Variants in GALNT10 observed in about 807,000 individuals in gnomAD.
GALNT10 encodes polypeptide N-acetylgalactosaminyltransferase 10.
In GALNT10, 41 loss-of-function variants were observed where a neutral mutation model predicts 75.0. That is an observed-to-expected ratio of 0.55 (90% confidence interval 0.43 to 0.71). The LOEUF is 0.71. Among genes scored for constraint, GALNT10 ranks in the 30% least tolerant of loss-of-function variants. The pLI, the probability that GALNT10 is intolerant of heterozygous loss-of-function variation, is 0.00. For missense variants in GALNT10, 727 were observed against 818.5 expected, an observed-to-expected ratio of 0.89 and a Z score of 1.36; for synonymous variants, 302 against 313.0, an observed-to-expected ratio of 0.96 and a Z score of 0.37.
chr5:154,261,201 C>T (rs1418974029), intron 1 of GALNT10, among the ~76,000 whole-genome samples: 1 of 152,092 alleles, frequency 6.6e-6, no homozygotes, highest in Non-Finnish European at 1.5e-5. Flanking sequence ...CATGCCTTGT[C>T]TTTGCTTTTG....
At chr5:154,223,495 T>C (rs1439093359) in intron 1 of GALNT10, among the ~76,000 whole-genome samples, 2 of 152,220 alleles carry the variant, frequency 1.3e-5, no homozygotes, top group African/African-American at 4.8e-5. Context: ...AAACAGAGCA[T>C]TGTAGAGCAA....
chr5:154,364,034 A>G (rs1383286182), intron 4 of GALNT10, among the ~76,000 whole-genome samples: 1 of 152,232 alleles, frequency 6.6e-6, no homozygotes, highest in Non-Finnish European at 1.5e-5. Context: ...TGCCAAGCAG[A>G]TCGACACAAG....
chr5:154,318,101 C>T lies in GALNT10; in HGVS notation c.402-11471C>T, dbSNP rs115421056. Among the ~76,000 whole-genome samples the T allele has an allele frequency of 5.1e-3, 773 of 152,366 alleles. 7 individuals carry two copies. Among genetic ancestry groups the T allele is most frequent in the African/African-American group, 0.018 (754 of 41,578 alleles). On this transcript the variant is annotated intron_variant, in intron 3 of 11. Transcript: ENST00000297107. ...GGTGACATGCTATGACTGGCTAAGC[C>T]AGGCTCCTTTGGCCACCCTCAAGGC... is the stretch of plus-strand genomic sequence containing the variant.
At chr5:154,356,252 C>T (rs1023320838) in intron 4 of GALNT10, 1 of 454,178 alleles carries the variant, frequency 2.2e-6, no homozygotes. Context: ...GAGACTTCTG[C>T]ACCCGTTGCT....
chr5:154,332,323 G>T (rs550165928), intron 4 of GALNT10, among the ~76,000 whole-genome samples: 1 of 152,262 alleles, frequency 6.6e-6, no homozygotes, highest in East Asian at 1.9e-4. Flanking sequence ...CAGTGGCAGT[G>T]AGGGCTGCGC....
At chr5:154,230,232 A>C (rs1434980761) in intron 1 of GALNT10, among the ~76,000 whole-genome samples, 1 of 152,186 alleles carries the variant, frequency 6.6e-6, no homozygotes, top group East Asian at 1.9e-4. Context: ...GTGATGCTCA[A>C]ACTCCTATGT....
chr5:154,294,849 T>C lies in GALNT10; in HGVS notation c.193T>C (p.Leu65=), dbSNP rs755892752. 1 of 1,605,746 alleles carries C rather than the reference T, an allele frequency of 6.2e-7. No individual in the cohort carries two copies. Among genetic ancestry groups the C allele is most frequent in the East Asian group, 2.2e-5 (1 of 44,828 alleles). The change falls in exon 2 of 12, where the codon TTG becomes CTG. Residue 65 remains leucine (L), a synonymous_variant. Coordinates refer to ENST00000297107, the MANE Select transcript of GALNT10 (RefSeq NM_198321.4). ...CAGTCGACAAAAGAAAACGTTTTTCTTGGGAGATGGGCAGAAGCTGAAGGA... is the reference window on the plus strand; with the variant it reads ...CAGTCGACAAAAGAAAACGTTTTTCCTGGGAGATGGGCAGAAGCTGAAGGA... ...SHSRQKKTFF[L]GDGQKLKDWH...
chr5:154,322,079 A>G (rs1300007546), intron 3 of GALNT10, among the ~76,000 whole-genome samples: 2 of 152,192 alleles, frequency 1.3e-5, no homozygotes, highest in African/African-American at 4.8e-5. Flanking sequence ...ATGTATTCTT[A>G]CCATTTTAAA....
At chr5:154,379,384 T>C (rs570757588) in intron 5 of GALNT10, among the ~76,000 whole-genome samples, 105 of 152,342 alleles carry the variant, frequency 6.9e-4, no homozygotes, top group African/African-American at 2.5e-3. Context: ...AAAGCAAAAA[T>C]GCTGTTTTCT....
intron 1 of GALNT10, among the ~76,000 whole-genome samples, chr5:154,259,585 AT>A (rs1267212060): frequency 6.6e-6 from 1 of 152,186 alleles, no homozygotes; most frequent in Non-Finnish European, 1.5e-5. Flanking sequence ...GAAGTGAGTT[AT>A]GTTGATTGAA....
At chr5:154,397,190 CTTT>C (rs11349379) in intron 7 of GALNT10, among the ~76,000 whole-genome samples, 11,715 of 142,616 alleles carry the variant, frequency 0.082, 835 homozygotes, top group African/African-American at 0.21. Flanking sequence ...TTCTTTTCTA[CTTT>C]TTTTTTTTTT....
At chr5:154,255,332 A>C (rs1351573738) in intron 1 of GALNT10, among the ~76,000 whole-genome samples, 1 of 152,168 alleles carries the variant, frequency 6.6e-6, no homozygotes, top group Non-Finnish European at 1.5e-5. Flanking sequence ...CTGGCATGGC[A>C]AAAGGAGGAA....
At chr5:154,371,665 CCAG>C (rs1260840697) in intron 4 of GALNT10, among the ~76,000 whole-genome samples, 1 of 152,064 alleles carries the variant, frequency 6.6e-6, no homozygotes, top group Non-Finnish European at 1.5e-5. Context: ...TCAGACCTCA[CCAG>C]CTGAGAGAGT....
chr5:154,309,287 AATG>A (rs1386622161), intron 3 of GALNT10, among the ~76,000 whole-genome samples: 1 of 151,966 alleles, frequency 6.6e-6, no homozygotes, highest in African/African-American at 2.4e-5. Context: ...TGATGATGTG[AATG>A]ATGAGAAGTT....
chr5:154,384,223 C>A (rs982597125), intron 6 of GALNT10, among the ~76,000 whole-genome samples: 6 of 152,074 alleles, frequency 3.9e-5, no homozygotes, highest in Non-Finnish European at 8.8e-5. Flanking sequence ...CGTAGCCAAC[C>A]GTATCACTAG....
rs372281650 is a variant in GALNT10, at chr5:154,266,822, C to T, written c.160-27994C>T. Reference sequence around the variant, plus strand: ...GCCTGAGCCCAGGAGTTAGAAGCTGCGATGAGCTTGATTGTGCCATTGCAC... The same window carrying T: ...GCCTGAGCCCAGGAGTTAGAAGCTGTGATGAGCTTGATTGTGCCATTGCAC... On this transcript the variant is annotated intron_variant, in intron 1 of 11. Coordinates refer to ENST00000297107, the MANE Select transcript of GALNT10 (RefSeq NM_198321.4). Among the ~76,000 whole-genome samples, 19 of 152,260 alleles carry T rather than the reference C, an allele frequency of 1.2e-4. No individual in the cohort carries two copies. The South Asian group carries it at 3.1e-3, about 25-fold the overall frequency.
chr5:154,204,736 C>A (rs1335764623), intron 1 of GALNT10, among the ~76,000 whole-genome samples: 1 of 152,208 alleles, frequency 6.6e-6, no homozygotes, highest in Non-Finnish European at 1.5e-5. Flanking sequence ...AGAGGGCTTC[C>A]GTGAACATAC....
intron 1 of GALNT10, among the ~76,000 whole-genome samples, chr5:154,257,689 GA>G (rs1753635857): frequency 2.0e-5 from 3 of 149,304 alleles, no homozygotes; most frequent in Non-Finnish European, 4.5e-5. Context: ...AAAAAAAAGA[GA>G]AAAGGAAAGG....
intron 1 of GALNT10, among the ~76,000 whole-genome samples, chr5:154,209,223 C>T (rs1369807636): frequency 3.3e-5 from 5 of 152,308 alleles, no homozygotes; most frequent in East Asian, 1.9e-4. Context: ...GTGCCAGAGA[C>T]GCCACCCGTG....
Sources: gnomAD v4.1 joint callset for allele counts (sites outside exome capture counted in the v4.1 genomes callset) on GRCh38, gnomAD v4.1.1 for gene constraint, MANE v1.5 for transcripts, NCBI Gene and HGNC (gene_info 2026-07-23, HGNC 2026-07-21) for gene names.